The following NPL variants were observed in gnomAD, a reference collection of about 807,000 sequenced individuals.
NPL encodes the protein N-acetylneuraminate lyase.
NPL carries 32 observed loss-of-function variants against 41.1 expected under a neutral mutation model. The observed-to-expected ratio is 0.78, with a 90% CI of 0.59 to 1.05. The LOEUF (loss-of-function observed/expected upper bound fraction) is 1.05, where lower values mean the gene tolerates loss of function less well. Ranked by LOEUF, NPL falls within the 50% of genes least tolerant of loss-of-function variation. The pLI is 0.00. For synonymous variants in NPL, 128 were observed against 134.9 expected (o/e 0.95, Z 0.35); for missense variants, 321 against 378.4 (o/e 0.85, Z 1.26).
In NPL at chr1:182,816,825, G is replaced by T; in HGVS notation, c.457+19G>T. 1 of 1,568,744 alleles carries T rather than the reference G, an allele frequency of 6.4e-7. No individual in the cohort carries two copies. The highest frequency in any genetic ancestry group is 8.8e-7 in the Non-Finnish European group (1 of 1,140,384). On this transcript the variant is annotated intron_variant, in intron 8 of 12. Transcript: ENST00000367553. ...GTAAAGAGTAAGTACTGCTTCTGTT[G>T]ATCTTTCTTTCCTTCCAACTCTCAC... is the stretch of plus-strand genomic sequence containing the variant.
chr1:182,797,284 T>G (rs1269229127), intron 3 of NPL, among the ~76,000 whole-genome samples: 1 of 152,196 alleles, frequency 6.6e-6, no homozygotes, highest in Non-Finnish European at 1.5e-5. Flanking sequence ...TGACTCTCTT[T>G]TGTCTAAGCC....
At position 182,825,868 on chromosome 1, in the gene NPL, G is replaced by A. The variant is rs992465182; in HGVS notation, c.778+48G>A. 4.4e-6 allele frequency: 6 copies of A among 1,368,392 alleles called. No individual in the cohort carries two copies. The South Asian group carries it at 4.6e-5, about 11-fold the overall frequency. 84.8% of individuals were successfully genotyped at this position (1,368,392 alleles called of 1,614,324 possible). On this transcript the variant is annotated intron_variant, in intron 12 of 12. Coordinates refer to ENST00000367553, the MANE Select transcript of NPL (RefSeq NM_030769.3). ...TTTGTCTGCTGCTGGAGACTGTAAA[G>A]AAAATGGAATACCATCACTTTCTCT... is the stretch of plus-strand genomic sequence containing the variant.
chr1:182,798,621 T>G (rs1666744489), intron 3 of NPL, among the ~76,000 whole-genome samples: 2 of 152,204 alleles, frequency 1.3e-5, no homozygotes, highest in Admixed American at 1.3e-4. Context: ...ATCTAAAATG[T>G]CGAGAAAAAA....
At chr1:182,825,532 T>C (rs996997401) in intron 11 of NPL, among the ~76,000 whole-genome samples, 23 of 152,342 alleles carry the variant, frequency 1.5e-4, no homozygotes, top group Admixed American at 5.2e-4. Context: ...TACTCTCTTG[T>C]AGAATTCCAT....
chr1:182,814,637 A>G (rs1667271491), intron 6 of NPL, 146 bp from the exon 7 acceptor site: 1 of 708,240 alleles, frequency 1.4e-6, no homozygotes, highest in Non-Finnish European at 2.5e-6. Context: ...TGGCAATGAC[A>G]TTCATTAAAT....
At chr1:182,814,955 T>A in intron 7 of NPL, 97 bp downstream of exon 7, 1 of 1,002,204 alleles carries the variant, frequency 1.0e-6, no homozygotes, top group Non-Finnish European at 1.6e-6. Flanking sequence ...AGTAAAGCAC[T>A]ATAGATTGGA....
At chr1:182,793,978 C>G (rs147148322) in intron 2 of NPL, among the ~76,000 whole-genome samples, 1 of 152,112 alleles carries the variant, frequency 6.6e-6, no homozygotes, top group Non-Finnish European at 1.5e-5. Context: ...CACGAAGGTC[C>G]TGGAACTGAT....
chr1:182,809,303 C>T, intron 5 of NPL: 1 of 394,866 alleles, frequency 2.5e-6, no homozygotes, highest in Non-Finnish European at 5.0e-6. Flanking sequence ...CTTTGGGAGG[C>T]CAAGGTAGGC....
intron 3 of NPL, among the ~76,000 whole-genome samples, chr1:182,802,335 T>G (rs551989461): frequency 6.6e-6 from 1 of 152,388 alleles, no homozygotes; most frequent in African/African-American, 2.4e-5. Flanking sequence ...TAGGCATGAT[T>G]GCCTGTGCAT....
Position 182,828,811 on chromosome 1 carries a change from C to G in NPL, c.866C>G (p.Ser289Cys). The change falls in exon 13 of 13, where the codon TCC (serine) becomes TGC (cysteine). Residue 289 changes from serine (S) to cysteine (C), a missense_variant. Physicochemically the swap from Ser to Cys is moderately radical, Grantham distance 112. Transcript: ENST00000367553. The surrounding 1 kb of genome is among the most constrained non-coding windows in gnomAD (Gnocchi z 4.0). ...CCCCGGCTTCCACTGCAGAAAGCCT[C>G]CAGGGAGTTTACTGATAGTGCTGAA... is the stretch of plus-strand genomic sequence containing the variant. The part of the protein sequence containing the change: ...GPPRLPLQKA[S>C]REFTDSAEAK... 6.2e-7 allele frequency: 1 copy of G among 1,614,182 alleles called. No individual in the cohort carries two copies. The highest frequency in any genetic ancestry group is 1.7e-5 in the Admixed American group (1 of 60,022).
intron 1 of NPL, among the ~76,000 whole-genome samples, chr1:182,790,324 G>C (rs1484874663): frequency 6.6e-6 from 1 of 152,086 alleles, no homozygotes; most frequent in Non-Finnish European, 1.5e-5. Flanking sequence ...TTAATTCTTT[G>C]CACTGAGTGT....
chr1:182,820,324 G>T (rs980087657), intron 10 of NPL, among the ~76,000 whole-genome samples: 6 of 152,262 alleles, frequency 3.9e-5, no homozygotes, highest in Admixed American at 2.0e-4. Flanking sequence ...GGTACCAGGG[G>T]AGCAAAATAA....
chr1:182,797,005 A>C (rs1312742785), intron 3 of NPL, among the ~76,000 whole-genome samples: 4 of 146,626 alleles, frequency 2.7e-5, no homozygotes, highest in South Asian at 4.3e-4. Context: ...ACTGCACTCT[A>C]CCCTGGGCAA....
At chr1:182,806,755 G>T (rs1571436493) in intron 5 of NPL, among the ~76,000 whole-genome samples, 1 of 152,266 alleles carries the variant, frequency 6.6e-6, no homozygotes, top group Non-Finnish European at 1.5e-5. Context: ...ATAAATTTTT[G>T]TAACACCCAA....
Position 182,797,272 on chromosome 1 carries a change from C to T in NPL, c.68+2833C>T, listed in dbSNP as rs142004160. 3.5e-4 allele frequency among the ~76,000 whole-genome samples: 53 copies of T among 152,304 alleles called. 2 individuals are homozygous for T. The East Asian group carries it at 9.6e-3, about 28-fold the overall frequency. ...TCATGTCACTCTCCTCTTTAGGAAT[C>T]TTGACTCTCTTTTGTCTAAGCCTTG... On this transcript the variant is annotated intron_variant, in intron 3 of 12. Coordinates refer to ENST00000367553, the MANE Select transcript of NPL (RefSeq NM_030769.3).
intron 10 of NPL, among the ~76,000 whole-genome samples, chr1:182,819,199 G>A (rs1050170917): frequency 1.3e-5 from 2 of 152,190 alleles, no homozygotes; most frequent in African/African-American, 4.8e-5. Flanking sequence ...GCTCACGCCT[G>A]TAATCCCAAC....
At chr1:182,802,434 A>G (rs913377238) in intron 3 of NPL, among the ~76,000 whole-genome samples, 3 of 151,478 alleles carry the variant, frequency 2.0e-5, no homozygotes, top group Non-Finnish European at 2.9e-5. Context: ...TGACATGTAC[A>G]TTTTGATGCC....
chr1:182,790,713 G>A (rs1468923596), intron 1 of NPL, among the ~76,000 whole-genome samples: 2 of 152,044 alleles, frequency 1.3e-5, no homozygotes, highest in Non-Finnish European at 2.9e-5. Context: ...GCGCTATCTC[G>A]GCTCACTGCA....
chr1:182,814,633 T>C (rs1667271316), intron 6 of NPL, 150 bp from the exon 7 acceptor site: 2 of 699,354 alleles, frequency 2.9e-6, no homozygotes, highest in Non-Finnish European at 5.1e-6. Context: ...TTCCTGGCAA[T>C]GACATTCATT....
Sources: allele counts gnomAD v4.1 joint callset (sites outside exome capture counted in the v4.1 genomes callset), GRCh38; gene constraint gnomAD v4.1.1; non-coding constraint Gnocchi (gnomAD v3.1); transcripts MANE v1.5; gene names NCBI Gene and HGNC (gene_info 2026-07-23, HGNC 2026-07-21).